The following BCAS3 variants were observed in gnomAD, a reference collection of about 807,000 sequenced individuals.
The protein encoded by BCAS3 is BCAS4/BCAS3 fusion.
A neutral mutation model predicts 116.1 loss-of-function variants in BCAS3; 53 were observed. That is an observed-to-expected ratio of 0.46 (90% CI 0.37 to 0.57). BCAS3 has a LOEUF of 0.57. Among genes scored for constraint, BCAS3 ranks in the 20% least tolerant of loss-of-function variants. The probability of loss-of-function intolerance (pLI) is 0.00; values close to 1 mark genes in which losing one functional copy is unlikely to be tolerated. For missense variants in BCAS3, 917 were observed against 1,165.4 expected (o/e 0.79, Z 3.10); for synonymous variants, 391 against 408.2 (o/e 0.96, Z 0.51).
At chr17:60,761,829 A>G (rs887060325) in intron 6 of BCAS3, among the ~76,000 whole-genome samples, 4 of 135,724 alleles carry the variant, frequency 2.9e-5, no homozygotes, top group Non-Finnish European at 5.9e-5. Flanking sequence ...CCAACAGTGT[A>G]AAAGTGTTCC....
chr17:60,716,340 C>A (rs2038605578), intron 5 of BCAS3, among the ~76,000 whole-genome samples: 1 of 152,028 alleles, frequency 6.6e-6, no homozygotes, highest in Non-Finnish European at 1.5e-5. Flanking sequence ...CATGTTAGGA[C>A]AAGGAAGTGA....
At chr17:60,910,096 T>G (rs1487402782) in intron 11 of BCAS3, among the ~76,000 whole-genome samples, 1 of 152,192 alleles carries the variant, frequency 6.6e-6, no homozygotes, top group African/African-American at 2.4e-5. Context: ...TCTCAGTCTT[T>G]TTCATACTAG....
In BCAS3 at chr17:61,343,978, C is replaced by G. The variant is rs1179636434; in HGVS notation, c.2426-24349C>G. On this transcript the variant is annotated intron_variant, in intron 22 of 23. Coordinates refer to ENST00000407086, the MANE Select transcript of BCAS3 (RefSeq NM_017679.5). This position sits in a 1 kb window ranked among gnomAD's most constrained non-coding sequence, Gnocchi z 5.5. ...GACTGGGGACCTGGCTGGATGTGGG[C>G]TTGGGTAGAGTTGGCCAGATGAAAT... Among the ~76,000 whole-genome samples, 3 of 152,112 alleles carry G rather than the reference C, an allele frequency of 2.0e-5. No homozygotes were observed. The highest frequency in any genetic ancestry group is 4.4e-5 in the Non-Finnish European group (3 of 68,028).
At chr17:61,080,114 AGGCT>A (rs1292753545) in intron 21 of BCAS3, among the ~76,000 whole-genome samples, 1 of 151,776 alleles carries the variant, frequency 6.6e-6, no homozygotes, top group Non-Finnish European at 1.5e-5. Flanking sequence ...TATGTTGGCC[AGGCT>A]GGTCTTGAAC....
intron 2 of BCAS3, among the ~76,000 whole-genome samples, chr17:60,680,367 T>G (rs562022725): frequency 6.6e-6 from 1 of 152,202 alleles, no homozygotes; most frequent in South Asian, 2.1e-4. Flanking sequence ...TACAGATTAT[T>G]TCATCACCCA....
chr17:61,006,440 A>G (rs933842593), intron 15 of BCAS3, among the ~76,000 whole-genome samples: 3 of 152,250 alleles, frequency 2.0e-5, no homozygotes, highest in Non-Finnish European at 4.4e-5. Flanking sequence ...TAAGTAATAA[A>G]GTCACATTTG....
chr17:61,240,220 C>T (rs1568644826), intron 22 of BCAS3, among the ~76,000 whole-genome samples: 2 of 152,220 alleles, frequency 1.3e-5, no homozygotes, highest in African/African-American at 4.8e-5. Flanking sequence ...TACAACCATC[C>T]TGGCGGGTAG....
At chr17:61,254,027 C>G (rs183769522) in intron 22 of BCAS3, among the ~76,000 whole-genome samples, 263 of 152,238 alleles carry the variant, frequency 1.7e-3, no homozygotes, top group African/African-American at 6.1e-3. Context: ...AGCCTTTCTT[C>G]TACATCAGGC....
At chr17:61,044,640 G>C (rs1453254760) in intron 19 of BCAS3, among the ~76,000 whole-genome samples, 1 of 151,520 alleles carries the variant, frequency 6.6e-6, no homozygotes, top group Non-Finnish European at 1.5e-5. Context: ...GTTCCAGGTG[G>C]ACTAATATTG....
intron 7 of BCAS3, among the ~76,000 whole-genome samples, chr17:60,863,431 T>G (rs2054321528): frequency 6.6e-6 from 1 of 152,080 alleles, no homozygotes; most frequent in Admixed American, 6.6e-5. Flanking sequence ...CCCGTTAATT[T>G]TTTGGTTTCC....
Position 61,198,213 on chromosome 17 carries a change from T to C in BCAS3, c.2425+113649T>C, listed in dbSNP as rs2080607764. ...TGGAGTGCAGTGGCCCAATCTCAGC[T>C]TACTGCAAGCTCCACCTCCCAGGTT... On this transcript the variant is annotated intron_variant, in intron 22 of 23. Coordinates refer to ENST00000407086, the MANE Select transcript of BCAS3 (RefSeq NM_017679.5). This position sits in a 1 kb window ranked among gnomAD's most constrained non-coding sequence, Gnocchi z 5.0. Among the ~76,000 whole-genome samples, 1 of 151,768 alleles carries C rather than the reference T, an allele frequency of 6.6e-6. No individual in the cohort carries two copies. The highest frequency in any genetic ancestry group is 1.5e-5 in the Non-Finnish European group (1 of 67,950).
chr17:61,078,502 C>T lies in BCAS3; in HGVS notation c.2300C>T (p.Thr767Ile). ...CCACAGCCTCTTTTGGATTTTGATACAGATGATCTTGATCTCAACAGTCTC... is the reference window on the plus strand; with the variant it reads ...CCACAGCCTCTTTTGGATTTTGATATAGATGATCTTGATCTCAACAGTCTC... ...DTPQPLLDFDTDDLDLNSLRI... is the reference protein window; with the variant it reads ...DTPQPLLDFDIDDLDLNSLRI... Residue 767 changes from threonine (T) to isoleucine (I), a missense_variant, in exon 21 of 24, where the codon ACA becomes ATA. By Grantham distance (89) the Thr-to-Ile change is moderately conservative (BLOSUM62 -1). Coordinates refer to ENST00000407086, the MANE Select transcript of BCAS3 (RefSeq NM_017679.5). The T allele has an allele frequency of 1.2e-6, 2 of 1,613,968 alleles. No individual in the cohort carries two copies. Among genetic ancestry groups the T allele is most frequent in the African/African-American group, 1.3e-5 (1 of 75,046 alleles).
intron 22 of BCAS3, among the ~76,000 whole-genome samples, chr17:61,260,328 G>A (rs749489461): frequency 9.2e-5 from 14 of 152,138 alleles, no homozygotes; most frequent in African/African-American, 1.2e-4. Context: ...CCCATAGTAC[G>A]TTAGACAAAT....
chr17:60,788,756 G>C (rs2046502860), intron 6 of BCAS3, among the ~76,000 whole-genome samples: 1 of 151,956 alleles, frequency 6.6e-6, no homozygotes, highest in Non-Finnish European at 1.5e-5. Context: ...ACAAGTTCCT[G>C]TTTAGATAAA....
At chr17:60,806,314 A>G (rs1163018899) in intron 6 of BCAS3, among the ~76,000 whole-genome samples, 1 of 152,168 alleles carries the variant, frequency 6.6e-6, no homozygotes, top group East Asian at 1.9e-4. Flanking sequence ...GGTGATTAAA[A>G]TGTTTCTTCT....
chr17:61,072,770 A>G (rs2071563673), intron 19 of BCAS3, among the ~76,000 whole-genome samples: 2 of 151,828 alleles, frequency 1.3e-5, no homozygotes, highest in East Asian at 1.9e-4. Flanking sequence ...CACTCACAAC[A>G]TGGCTTATCC....
At chr17:61,262,234 A>G (rs2049267526) in intron 22 of BCAS3, among the ~76,000 whole-genome samples, 1 of 152,144 alleles carries the variant, frequency 6.6e-6, no homozygotes, top group Admixed American at 6.5e-5. Flanking sequence ...AAAAGATCCT[A>G]TTTGCAATAA....
In BCAS3 at chr17:61,300,789, A is replaced by T. The variant is rs1602522052; in HGVS notation, c.2426-67538A>T. Among the ~76,000 whole-genome samples the T allele has an allele frequency of 6.6e-6, 1 of 151,926 alleles. No homozygotes were observed. Among genetic ancestry groups the T allele is most frequent in the South Asian group, 2.1e-4 (1 of 4,820 alleles). ...AGCTTCAATTGACAATGTTTTCTAC[A>T]CTCTGATTTTGTTCCAGCAGCTTTC... On this transcript the variant is annotated intron_variant, in intron 22 of 23. Coordinates refer to ENST00000407086, the MANE Select transcript of BCAS3 (RefSeq NM_017679.5). The surrounding 1 kb of genome is among the most constrained non-coding windows in gnomAD (Gnocchi z 5.1).
At position 61,015,889 on chromosome 17, in the gene BCAS3, C is replaced by A. The variant is rs370107812; in HGVS notation, c.1625C>A (p.Thr542Asn). The A allele has an allele frequency of 4.3e-6, 7 of 1,613,918 alleles. No homozygotes were observed. The highest frequency in any genetic ancestry group is 5.1e-6 in the Non-Finnish European group (6 of 1,179,940). The change falls in exon 16 of 24, where the codon ACC (threonine) becomes AAC (asparagine). Residue 542 changes from threonine (T) to asparagine (N), a missense_variant. Thr to Asn is a moderately conservative substitution (Grantham distance 65, BLOSUM62 0). Coordinates refer to ENST00000407086, the MANE Select transcript of BCAS3 (RefSeq NM_017679.5). ...CAGCCAATGACATTGGGGACCATCA[C>A]CAAACGAACCGGGTAAGGCCTTAGA... Reference protein sequence around the residue: ...IKQPMTLGTITKRTGKVKPPP... With the variant: ...IKQPMTLGTINKRTGKVKPPP...
Sources: gnomAD v4.1 joint callset for allele counts (sites outside exome capture counted in the v4.1 genomes callset) on GRCh38, gnomAD v4.1.1 for gene constraint, Gnocchi (gnomAD v3.1) non-coding constraint, MANE v1.5 for transcripts, NCBI Gene and HGNC (gene_info 2026-07-23, HGNC 2026-07-21) for gene names.